Variants in SLC5A11 observed in about 807,000 individuals in gnomAD.
SLC5A11 encodes sodium/myo-inositol cotransporter 2.
SLC5A11 carries 48 observed loss-of-function variants against 69.8 expected under a neutral mutation model. The ratio of observed to expected loss-of-function variants is 0.69; its 90% CI spans 0.55 to 0.87. The LOEUF is 0.87. Among genes scored for constraint, SLC5A11 ranks in the 40% least tolerant of loss-of-function variants. The pLI is 0.00. For synonymous variants in SLC5A11, 319 were observed against 342.4 expected, an observed-to-expected ratio of 0.93 and a Z score of 0.75; for missense variants, 784 against 866.1, an observed-to-expected ratio of 0.91 and a Z score of 1.19.
rs1044134098 is a variant in SLC5A11, at chr16:24,862,739, G to C, written c.207+67G>C. ...TCTTCAAGTGCTGGGATTCTGTCCA[G>C]CCTTTGATATCTCAGGACTCTCTGG... On this transcript the variant is annotated intron_variant, in intron 3 of 15. Transcript: ENST00000347898. 14 of 1,444,100 alleles carry C rather than the reference G, an allele frequency of 9.7e-6. No individual in the cohort carries two copies. In the Admixed American group the frequency reaches 2.4e-4, roughly 25 times the overall value. 89.5% of individuals were successfully genotyped at this position (1,444,100 alleles called of 1,614,324 possible). A position where few individuals can be genotyped will look rare whatever the true frequency, so the allele number is the denominator to read the frequency against.
At chr16:24,905,060 T>A (rs1597289719) in intron 10 of SLC5A11, among the ~76,000 whole-genome samples, 1 of 152,014 alleles carries the variant, frequency 6.6e-6, no homozygotes, top group Non-Finnish European at 1.5e-5. Context: ...TGTTCCTGTG[T>A]TAGTTTGCTG....
intron 9 of SLC5A11, among the ~76,000 whole-genome samples, chr16:24,896,827 G>A (rs985514924): frequency 6.6e-6 from 1 of 151,554 alleles, no homozygotes; most frequent in Non-Finnish European, 1.5e-5. Flanking sequence ...CCTCTGTGAT[G>A]ACTTAGTTTC....
At chr16:24,906,703 C>T in exon 11 of SLC5A11, 1 of 1,613,586 alleles carries the variant, frequency 6.2e-7, no homozygotes, top group South Asian at 1.1e-5. Context: ...AGATCTGCAG[C>T]AACCCCTCAG....
intron 8 of SLC5A11, among the ~76,000 whole-genome samples, chr16:24,890,506 AAAAAAAAAAG>A (rs2048710702): frequency 3.4e-5 from 2 of 58,118 alleles, no homozygotes; most frequent in South Asian, 9.9e-4. Flanking sequence ...AAAAAAAAAA[AAAAAAAAAAG>A]AAGGAAGGAA....
At chr16:24,860,522 C>CAGCAGAATTCCCTGT (rs1273586853) in intron 2 of SLC5A11, among the ~76,000 whole-genome samples, 44 of 152,064 alleles carry the variant, frequency 2.9e-4, no homozygotes, top group Non-Finnish European at 5.6e-4. Flanking sequence ...AAATTCCCTG[C>CAGCAGAATTCCCTGT]AGCAGAAATG....
At chr16:24,857,666 C>T (rs1400436624) in intron 1 of SLC5A11, among the ~76,000 whole-genome samples, 4 of 152,210 alleles carry the variant, frequency 2.6e-5, no homozygotes, top group Non-Finnish European at 4.4e-5. Flanking sequence ...CTGTGGCTAT[C>T]TCTTCTGATT....
rs973301822 is a variant in SLC5A11, at chr16:24,875,496, G to A, written c.373-131G>A. Reference sequence around the variant, plus strand: ...CCTCTCCTCCCTTCTTAAGTATCAGGTTGAGAATCCCAAGAAGACCATCTG... The same window carrying A: ...CCTCTCCTCCCTTCTTAAGTATCAGATTGAGAATCCCAAGAAGACCATCTG... On this transcript the variant is annotated intron_variant, in intron 5 of 15. Transcript: ENST00000347898. The A allele has an allele frequency of 2.5e-5, 18 of 720,356 alleles. 1 individual carries two copies. Among genetic ancestry groups the A allele is most frequent in the Admixed American group, 4.4e-5 (2 of 44,978 alleles). The allele number at this position is 720,356 out of a possible 1,614,324, so 44.6% of individuals were successfully genotyped here. A position where few individuals can be genotyped will look rare whatever the true frequency, so the allele number is the denominator to read the frequency against.
chr16:24,851,983 C>G (rs2059329101), intron 1 of SLC5A11, among the ~76,000 whole-genome samples: 2 of 150,636 alleles, frequency 1.3e-5, no homozygotes, highest in African/African-American at 4.9e-5. Context: ...CTCTCTCTCT[C>G]TCTCTCTCTC....
intron 9 of SLC5A11, among the ~76,000 whole-genome samples, chr16:24,893,116 C>CAAAAAAA (rs58331547): frequency 2.3e-4 from 23 of 99,082 alleles, no homozygotes; most frequent in African/African-American, 1.0e-3. Context: ...ACTAAAAATA[C>CAAAAAAA]AAAAAAAAAA....
exon 2 of SLC5A11, chr16:24,858,662 A>C: frequency 1.2e-6 from 2 of 1,610,256 alleles, no homozygotes; most frequent in South Asian, 1.1e-5. Context: ...CGGCACCAGC[A>C]GCCCTCAGCC....
In SLC5A11 at chr16:24,877,364, G is replaced by A; in HGVS notation, c.583+1G>A. On this transcript the variant is annotated splice_donor_variant, in intron 7 of 15. Transcript: ENST00000347898. LOFTEE classifies it high-confidence loss of function. The stretch of plus-strand genomic sequence containing the variant: ...ATCACTGCTGTATACACGGTTGCTG[G>A]TAAGACTGAACAAAGGGTAACACCT... 2.5e-6 allele frequency: 4 copies of A among 1,611,982 alleles called. No homozygotes were observed. The highest frequency in any genetic ancestry group is 3.4e-6 in the Non-Finnish European group (4 of 1,178,316).
intron 9 of SLC5A11, among the ~76,000 whole-genome samples, chr16:24,894,224 C>T (rs1044050034): frequency 3.9e-5 from 6 of 152,162 alleles, no homozygotes; most frequent in Admixed American, 1.3e-4. Context: ...ATTGGATGCT[C>T]TCAATTCTGG....
At chr16:24,899,817 C>CCT (rs1567680060) in intron 10 of SLC5A11, among the ~76,000 whole-genome samples, 1 of 152,132 alleles carries the variant, frequency 6.6e-6, no homozygotes, top group Non-Finnish European at 1.5e-5. Flanking sequence ...AATTCTCCCA[C>CCT]CTCAGTCTCC....
intron 2 of SLC5A11, among the ~76,000 whole-genome samples, chr16:24,861,661 AAAGAAAGAAAGG>A (rs1200243693): frequency 2.7e-5 from 4 of 145,634 alleles, no homozygotes; most frequent in African/African-American, 1.0e-4. Flanking sequence ...GAAGAAAGAA[AAAGAAAGAAAGG>A]AAGGAAGGGA....
intron 9 of SLC5A11, among the ~76,000 whole-genome samples, chr16:24,896,774 C>T (rs866987623): frequency 2.6e-5 from 4 of 152,004 alleles, no homozygotes; most frequent in Non-Finnish European, 5.9e-5. Context: ...TCTGATACTA[C>T]ATCATCACAC....
At chr16:24,862,620 G>C in exon 3 of SLC5A11, 3 of 1,613,320 alleles carry the variant, frequency 1.9e-6, no homozygotes, top group Non-Finnish European at 2.5e-6. Flanking sequence ...AAGACCAAAA[G>C]AGACACAGTG....
At chr16:24,879,806 G>A (rs571509084) in intron 7 of SLC5A11, among the ~76,000 whole-genome samples, 1 of 152,266 alleles carries the variant, frequency 6.6e-6, no homozygotes, top group Admixed American at 6.5e-5. Flanking sequence ...ATTCACTTAG[G>A]ATAAGGGCCT....
intron 1 of SLC5A11, among the ~76,000 whole-genome samples, chr16:24,847,420 T>G (rs2059077374): frequency 6.6e-6 from 1 of 151,942 alleles, no homozygotes; most frequent in East Asian, 1.9e-4. Context: ...GTTCTCTCTC[T>G]CTCTCGTTTC....
intron 1 of SLC5A11, among the ~76,000 whole-genome samples, chr16:24,848,378 T>C (rs780314721): frequency 2.0e-5 from 3 of 152,072 alleles, no homozygotes; most frequent in Non-Finnish European, 2.9e-5. Flanking sequence ...GGAGGCCAAG[T>C]TGGGAGGATT....
Sources: allele counts gnomAD v4.1 joint callset (sites outside exome capture counted in the v4.1 genomes callset), GRCh38; gene constraint gnomAD v4.1.1; transcripts MANE v1.5; gene names NCBI Gene and HGNC (gene_info 2026-07-23, HGNC 2026-07-21).